Variants in UBTD2 observed in about 807,000 individuals in gnomAD.
UBTD2 encodes the protein ubiquitin domain containing 2.
In UBTD2, 9 loss-of-function variants were observed where a neutral mutation model predicts 19.8. The ratio of observed to expected loss-of-function variants is 0.46; its 90% CI spans 0.27 to 0.79. The LOEUF (loss-of-function observed/expected upper bound fraction) is 0.79. UBTD2 is among the 30% of genes least tolerant of loss of function. UBTD2 has a pLI of 0.14. For synonymous variants in UBTD2, 98 were observed against 103.9 expected (o/e 0.94, Z 0.35); for missense variants, 250 against 300.4 (o/e 0.83, Z 1.24).
intron 1 of UBTD2, among the ~76,000 whole-genome samples, chr5:172,279,407 A>C (rs1755668765): frequency 6.6e-6 from 1 of 152,210 alleles, no homozygotes; most frequent in Admixed American, 6.5e-5. Context: ...ATTGTTACTC[A>C]CTGAGTAGGT....
intron 1 of UBTD2, among the ~76,000 whole-genome samples, chr5:172,280,291 A>C (rs1755684002): frequency 6.6e-6 from 1 of 151,010 alleles, no homozygotes; most frequent in Non-Finnish European, 1.5e-5. Flanking sequence ...CGGATTACTT[A>C]AAGGTCAGGA....
intron 1 of UBTD2, among the ~76,000 whole-genome samples, chr5:172,267,513 TCTGCTCAGTATA>T (rs1320435505): frequency 5.3e-5 from 8 of 152,224 alleles, no homozygotes; most frequent in African/African-American, 1.9e-4. Context: ...CTCAGATGCA[TCTGCTCAGTATA>T]CGCTCTCATC....
Position 172,212,314 on chromosome 5 carries a change from G to C in UBTD2, c.308-87C>G, listed in dbSNP as rs2113869423. 3 of 1,397,958 alleles carry C rather than the reference G, an allele frequency of 2.1e-6. No individual in the cohort carries two copies. The South Asian group carries it at 4.4e-5, about 20-fold the overall frequency. 86.6% of individuals were successfully genotyped at this position (1,397,958 alleles called of 1,614,324 possible). On this transcript the variant is annotated intron_variant, in intron 2 of 2. Coordinates refer to ENST00000393792, the MANE Select transcript of UBTD2 (RefSeq NM_152277.3). ...CTCACAAAATGCTTAAGCTTCTCTTGCTAGCATGGCACTGTAGAGAAAAAA... is the reference window on the plus strand; with the variant it reads ...CTCACAAAATGCTTAAGCTTCTCTTCCTAGCATGGCACTGTAGAGAAAAAA...
At chr5:172,232,315 A>AT (rs1242932977) in intron 2 of UBTD2, among the ~76,000 whole-genome samples, 2 of 96,454 alleles carry the variant, frequency 2.1e-5, no homozygotes, top group African/African-American at 1.0e-4. Context: ...ACTCACTGTC[A>AT]TAAAAAAAAA....
At position 172,234,172 on chromosome 5, in the gene UBTD2, T is replaced by C. The variant is rs1771962487; in HGVS notation, c.257A>G (p.His86Arg). ...ATCAATGATTGCTTGTGCCAGTTCA[T>C]GATCATTGCTCTCAAAAGCATGTGC... The part of the protein sequence containing the change: ...AAAHAFESND[H>R]ELAQAIIDGA... The change falls in exon 2 of 3, where the codon CAT becomes CGT. Residue 86 changes from histidine (H) to arginine (R), a missense_variant. By Grantham distance (29) the His-to-Arg change is conservative. Coordinates refer to ENST00000393792, the MANE Select transcript of UBTD2 (RefSeq NM_152277.3). The C allele has an allele frequency of 1.2e-6, 2 of 1,614,200 alleles. No homozygotes were observed. Among genetic ancestry groups the C allele is most frequent in the East Asian group, 2.2e-5 (1 of 44,880 alleles).
intron 1 of UBTD2, among the ~76,000 whole-genome samples, chr5:172,262,090 T>G (rs1023975000): frequency 2.0e-5 from 3 of 152,182 alleles, no homozygotes; most frequent in Non-Finnish European, 4.4e-5. Flanking sequence ...GTGCCTCAGT[T>G]TCCTCCACTA....
intron 1 of UBTD2, among the ~76,000 whole-genome samples, chr5:172,251,170 T>A (rs1581224613): frequency 2.0e-5 from 3 of 148,270 alleles, no homozygotes; most frequent in Non-Finnish European, 1.5e-5. Context: ...AAAAAAAAAA[T>A]TGGCCGGGCG....
At position 172,278,184 on chromosome 5, in the gene UBTD2, CAG is replaced by C. The variant is rs1031592745; in HGVS notation, c.70+5410_70+5411del. On this transcript the variant is annotated intron_variant, in intron 1 of 2. Coordinates refer to ENST00000393792, the MANE Select transcript of UBTD2 (RefSeq NM_152277.3). ...CCTATCCAGCTGAAAGAACTGGAAA[CAG>C]AGATTGAAAACAGACACTTGTACAC... 8.6e-5 allele frequency among the ~76,000 whole-genome samples: 13 copies of C among 151,978 alleles called. No homozygotes were observed. In the South Asian group the frequency reaches 1.2e-3, roughly 15 times the overall value.
rs1278735500 is a variant in UBTD2, at chr5:172,283,655, C to T, written c.11G>A (p.Cys4Tyr). The change falls in exon 1 of 3, where the codon TGT (cysteine) becomes TAT (tyrosine). Residue 4 changes from cysteine (C) to tyrosine (Y), a missense_variant. Cys to Tyr is a radical substitution (Grantham distance 194). Transcript: ENST00000393792. This position sits in a 1 kb window ranked among gnomAD's most constrained non-coding sequence, Gnocchi z 4.3. ...CGAGGAGTCGTGCTGGGCGCCCACA[C>T]ACCCGCCCATGGGGGCCCCCGGCGC... MGG[C>Y]VGAQHDSSGS... 8.0e-7 allele frequency: 1 copy of T among 1,253,502 alleles called. No individual in the cohort carries two copies. The allele number at this position is 1,253,502 out of a possible 1,614,324, so 77.6% of individuals were successfully genotyped here.
intron 2 of UBTD2, among the ~76,000 whole-genome samples, chr5:172,214,269 T>C (rs961606970): frequency 1.3e-5 from 2 of 152,192 alleles, no homozygotes; most frequent in East Asian, 1.9e-4. Context: ...TTAATGTCAA[T>C]AGGATGAAAA....
rs1755753485 is a variant in UBTD2, at chr5:172,283,167, AG to A, written c.70+428del. Among the ~76,000 whole-genome samples the A allele has an allele frequency of 6.6e-6, 1 of 152,192 alleles. No homozygotes were observed. The highest frequency in any genetic ancestry group is 2.4e-5 in the African/African-American group (1 of 41,452). ...TGAGACCAGCCAACTCCACAGAACA[AG>A]GAAGGGTGCGGAAAGATGTGGCGGG... On this transcript the variant is annotated intron_variant, in intron 1 of 2. Transcript: ENST00000393792. This position sits in a 1 kb window ranked among gnomAD's most constrained non-coding sequence, Gnocchi z 4.3.
intron 1 of UBTD2, among the ~76,000 whole-genome samples, chr5:172,277,733 T>C (rs763735371): frequency 6.6e-6 from 1 of 150,694 alleles, no homozygotes; most frequent in East Asian, 1.9e-4. Context: ...AACAACTTTG[T>C]ACATGAAAGG....
chr5:172,219,673 T>C (rs1771614204), intron 2 of UBTD2, among the ~76,000 whole-genome samples: 1 of 152,174 alleles, frequency 6.6e-6, no homozygotes, highest in Non-Finnish European at 1.5e-5. Context: ...GAAAAACATC[T>C]GTATGTTGCT....
At chr5:172,277,878 C>G (rs1755639075) in intron 1 of UBTD2, among the ~76,000 whole-genome samples, 1 of 145,500 alleles carries the variant, frequency 6.9e-6, no homozygotes, top group African/African-American at 2.5e-5. Flanking sequence ...CCAAATAACT[C>G]AAAAAATGAG....
At chr5:172,236,332 A>G (rs762659652) in intron 1 of UBTD2, among the ~76,000 whole-genome samples, 11 of 152,236 alleles carry the variant, frequency 7.2e-5, no homozygotes, top group Non-Finnish European at 1.2e-4. Context: ...ACAGAATCCA[A>G]GTCTCTTTAT....
At chr5:172,223,344 A>C (rs7722400) in intron 2 of UBTD2, among the ~76,000 whole-genome samples, 50,243 of 151,576 alleles carry the variant, frequency 0.33, 8,436 homozygotes, top group South Asian at 0.42. Flanking sequence ...GTGGCTCATG[A>C]CTGTAATCCC....
chr5:172,232,816 C>T (rs554342212), intron 2 of UBTD2, among the ~76,000 whole-genome samples: 51 of 151,828 alleles, frequency 3.4e-4, no homozygotes, highest in Non-Finnish European at 3.4e-4. Context: ...CCTGGGAGGT[C>T]GAGGCTGCAA....
intron 1 of UBTD2, among the ~76,000 whole-genome samples, chr5:172,277,064 TCTCAA>T (rs2113137269): frequency 1.5e-5 from 1 of 65,782 alleles, no homozygotes; most frequent in South Asian, 8.4e-4. Flanking sequence ...GCAGACTCTG[TCTCAA>T]AAAAAAAAAA....
At position 172,254,572 on chromosome 5, in the gene UBTD2, T is replaced by C. The variant is rs1755100534; in HGVS notation, c.71-20214A>G. On this transcript the variant is annotated intron_variant, in intron 1 of 2. Coordinates refer to ENST00000393792, the MANE Select transcript of UBTD2 (RefSeq NM_152277.3). ...TAGGGTTTTTCTGTGTGTCGTCTTCTGTGTGCTTTCAAGTGGGAGCTTTTA... is the reference window on the plus strand; with the variant it reads ...TAGGGTTTTTCTGTGTGTCGTCTTCCGTGTGCTTTCAAGTGGGAGCTTTTA... 5 of 642,486 alleles carry C rather than the reference T, an allele frequency of 7.8e-6. No individual in the cohort carries two copies. The Admixed American group carries it at 1.4e-4, about 18-fold the overall frequency. 39.8% of individuals were successfully genotyped at this position (642,486 alleles called of 1,614,324 possible).
Sources: gnomAD v4.1 joint callset for allele counts (sites outside exome capture counted in the v4.1 genomes callset) on GRCh38, gnomAD v4.1.1 for gene constraint, Gnocchi (gnomAD v3.1) non-coding constraint, MANE v1.5 for transcripts, NCBI Gene and HGNC (gene_info 2026-07-23, HGNC 2026-07-21) for gene names.